Variants in SPAG16 observed in about 807,000 individuals in gnomAD.
The protein encoded by SPAG16 is sperm-associated antigen 16 protein.
Under a neutral mutation model 80.4 loss-of-function variants are expected in SPAG16, and 86 were observed. That is an observed-to-expected ratio of 1.07 (90% CI 0.90 to 1.28). The LOEUF (loss-of-function observed/expected upper bound fraction) is 1.28, where lower values mean the gene tolerates loss of function less well. SPAG16 is among the 50% of genes most tolerant of loss of function. The probability of loss-of-function intolerance (pLI) is 0.00; values close to 1 mark genes in which losing one functional copy is unlikely to be tolerated. For synonymous variants in SPAG16, 294 were observed against 265.9 expected (o/e 1.11, Z -1.03); for missense variants, 870 against 765.3 (o/e 1.14, Z -1.61).
chr2:213,843,359 A>C (rs1452287797), intron 10 of SPAG16, among the ~76,000 whole-genome samples: 1 of 152,192 alleles, frequency 6.6e-6, no homozygotes, highest in Non-Finnish European at 1.5e-5. Flanking sequence ...TAATCTATGC[A>C]CTTGGTTCAT....
chr2:213,368,399 T>C (rs937891989), intron 8 of SPAG16, among the ~76,000 whole-genome samples: 5 of 152,206 alleles, frequency 3.3e-5, no homozygotes, highest in African/African-American at 7.2e-5. Flanking sequence ...AAATTCGTTA[T>C]TGATGGGACT....
chr2:213,633,468 C>T (rs2062234811), intron 10 of SPAG16, among the ~76,000 whole-genome samples: 1 of 152,006 alleles, frequency 6.6e-6, no homozygotes, highest in African/African-American at 2.4e-5. Flanking sequence ...GAGAATGATC[C>T]ATTTGCTGAG....
At chr2:214,195,567 G>T (rs1204954412) in intron 15 of SPAG16, among the ~76,000 whole-genome samples, 1 of 151,912 alleles carries the variant, frequency 6.6e-6, no homozygotes, top group Non-Finnish European at 1.5e-5. Context: ...AACTGAAAGG[G>T]CATGGTGATG....
chr2:214,198,636 G>A lies in SPAG16; in HGVS notation c.1720+49370G>A, dbSNP rs574507136. Among the ~76,000 whole-genome samples the A allele has an allele frequency of 2.0e-4, 31 of 152,058 alleles. No individual in the cohort carries two copies. In the East Asian group the frequency reaches 4.9e-3, roughly 24 times the overall value. ...TACCGAGTAGTGCAATTGCTGGATC[G>A]AATGGTAGTTATACTTTTAGTTCTT... is the stretch of plus-strand genomic sequence containing the variant. On this transcript the variant is annotated intron_variant, in intron 15 of 15. Coordinates refer to ENST00000331683, the MANE Select transcript of SPAG16 (RefSeq NM_024532.5).
At chr2:213,583,828 T>C (rs937280762) in intron 10 of SPAG16, among the ~76,000 whole-genome samples, 1 of 152,240 alleles carries the variant, frequency 6.6e-6, no homozygotes, top group Non-Finnish European at 1.5e-5. Flanking sequence ...TCTGGATTTC[T>C]ATGATTTCTT....
chr2:213,635,744 G>A (rs2062337440), intron 10 of SPAG16, among the ~76,000 whole-genome samples: 2 of 152,004 alleles, frequency 1.3e-5, no homozygotes, highest in Non-Finnish European at 2.9e-5. Flanking sequence ...TTGACCATTT[G>A]TATATCTTCT....
rs148860978 is a variant in SPAG16, at chr2:213,935,134, G to A, written c.1400+4989G>A. Among the ~76,000 whole-genome samples, 419 of 151,306 alleles carry A rather than the reference G, an allele frequency of 2.8e-3. 1 individual carries two copies. Among genetic ancestry groups the A allele is most frequent in the African/African-American group, 9.8e-3 (402 of 41,140 alleles). On this transcript the variant is annotated intron_variant, in intron 12 of 15. Coordinates refer to ENST00000331683, the MANE Select transcript of SPAG16 (RefSeq NM_024532.5). ...GAAGGATGGCATGAACCCAGTGGGC[G>A]GAGCTTGCAGTGAGCCGAGATAGCG...
At chr2:213,941,218 T>C (rs1413569675) in intron 12 of SPAG16, among the ~76,000 whole-genome samples, 2 of 152,178 alleles carry the variant, frequency 1.3e-5, no homozygotes, top group Non-Finnish European at 2.9e-5. Context: ...AAATATTCTA[T>C]GTCTTCAATC....
chr2:213,469,575 T>TG (rs917081473), intron 9 of SPAG16, among the ~76,000 whole-genome samples: 15 of 139,182 alleles, frequency 1.1e-4, no homozygotes, highest in Non-Finnish European at 1.8e-4. Flanking sequence ...AGCAGGTTTT[T>TG]TTTTTTTTTT....
intron 12 of SPAG16, among the ~76,000 whole-genome samples, chr2:213,992,279 A>G (rs780298020): frequency 3.9e-5 from 6 of 152,106 alleles, no homozygotes; most frequent in Non-Finnish European, 8.8e-5. Flanking sequence ...CTTCTCCGTG[A>G]CAGTAATGCC....
chr2:214,127,921 A>G (rs998555214), intron 14 of SPAG16, among the ~76,000 whole-genome samples: 4 of 151,988 alleles, frequency 2.6e-5, no homozygotes, highest in Non-Finnish European at 5.9e-5. Context: ...ACCAGTGGTG[A>G]GATAGAAACA....
At chr2:213,702,432 C>T (rs536231822) in intron 10 of SPAG16, among the ~76,000 whole-genome samples, 2 of 152,208 alleles carry the variant, frequency 1.3e-5, no homozygotes, top group Non-Finnish European at 2.9e-5. Context: ...CCGCGAAGGT[C>T]TGCACCTTCA....
intron 15 of SPAG16, among the ~76,000 whole-genome samples, chr2:214,285,689 G>T (rs1030460068): frequency 6.6e-6 from 1 of 152,084 alleles, no homozygotes; most frequent in African/African-American, 2.4e-5. Flanking sequence ...TGTAATTCCA[G>T]CTACTCAGGA....
At chr2:214,050,614 C>A (rs2049593330) in intron 13 of SPAG16, among the ~76,000 whole-genome samples, 1 of 152,058 alleles carries the variant, frequency 6.6e-6, no homozygotes, top group Non-Finnish European at 1.5e-5. Flanking sequence ...GTATGTACTC[C>A]ATATATGTGT....
chr2:213,491,085 C>T lies in SPAG16; in HGVS notation c.1070+995C>T, dbSNP rs2074216225. On this transcript the variant is annotated intron_variant, in intron 10 of 15. Transcript: ENST00000331683. ...TTGTCTATGGTATATGTCGTGAGAA[C>T]ATAGCACATATGAATACTTCTGTCA... is the stretch of plus-strand genomic sequence containing the variant. 2.6e-5 allele frequency among the ~76,000 whole-genome samples: 4 copies of T among 152,162 alleles called. No individual in the cohort carries two copies. The Middle Eastern group carries it at 0.01, about 388-fold the overall frequency.
intron 12 of SPAG16, among the ~76,000 whole-genome samples, chr2:213,933,565 C>T (rs773894700): frequency 7.9e-5 from 12 of 152,124 alleles, no homozygotes; most frequent in African/African-American, 2.4e-4. Context: ...GAGAAGGGGT[C>T]GGAAACAGCC....
chr2:214,266,761 T>C (rs990200844), intron 15 of SPAG16, among the ~76,000 whole-genome samples: 1 of 151,124 alleles, frequency 6.6e-6, no homozygotes, highest in Non-Finnish European at 1.5e-5. Flanking sequence ...CAAAATCAAC[T>C]ACAAAAAATC....
chr2:214,017,221 A>T (rs2047634481), intron 13 of SPAG16, among the ~76,000 whole-genome samples: 1 of 152,176 alleles, frequency 6.6e-6, no homozygotes, highest in Non-Finnish European at 1.5e-5. Context: ...TGTTAGGTAC[A>T]AAGGTCCGAC....
chr2:213,547,777 T>G (rs1575925355), intron 10 of SPAG16, among the ~76,000 whole-genome samples: 1 of 152,184 alleles, frequency 6.6e-6, no homozygotes, highest in African/African-American at 2.4e-5. Flanking sequence ...GGAGGATTCA[T>G]TTATATGCAA....
Sources: allele counts gnomAD v4.1 joint callset (sites outside exome capture counted in the v4.1 genomes callset), GRCh38; gene constraint gnomAD v4.1.1; transcripts MANE v1.5; gene names NCBI Gene and HGNC (gene_info 2026-07-23, HGNC 2026-07-21).